The following FEM1C variants were observed in gnomAD, a reference collection of about 807,000 sequenced individuals.
FEM1C encodes fem-1 homolog C, also known as protein fem-1 homolog C.
FEM1C carries 15 observed loss-of-function variants against 37.6 expected under a neutral mutation model. That is an observed-to-expected ratio of 0.40 (90% CI 0.27 to 0.61). The LOEUF is 0.61. FEM1C is among the 20% of genes least tolerant of loss of function. The probability of loss-of-function intolerance (pLI) is 0.42; values close to 1 mark genes in which losing one functional copy is unlikely to be tolerated. For synonymous variants in FEM1C, 287 were observed against 272.8 expected (o/e 1.05, Z -0.51); for missense variants, 532 against 749.7 (o/e 0.71, Z 3.39).
intron 2 of FEM1C, among the ~76,000 whole-genome samples, chr5:115,534,029 T>C (rs1754070001): frequency 6.6e-6 from 1 of 151,954 alleles, no homozygotes; most frequent in Non-Finnish European, 1.5e-5. Flanking sequence ...CAACATTAAG[T>C]ATTAATTCTG....
rs191895893 is a variant in FEM1C at position 115,529,214 on chromosome 5, G to C, written c.545-3597C>G. 2.6e-4 allele frequency among the ~76,000 whole-genome samples: 39 copies of C among 150,742 alleles called. No individual in the cohort carries two copies. The East Asian group carries it at 7.6e-3, about 30-fold the overall frequency. ...CAGTAGGTTTTACAAACTCCAAGAAGGACAAATAAAAAGAAAAACACATTG... is the reference window on the plus strand; with the variant it reads ...CAGTAGGTTTTACAAACTCCAAGAACGACAAATAAAAAGAAAAACACATTG... On this transcript the variant is annotated intron_variant, in intron 2 of 2. Transcript: ENST00000274457.
chr5:115,530,156 C>A (rs1477408154), intron 2 of FEM1C, among the ~76,000 whole-genome samples: 4 of 151,836 alleles, frequency 2.6e-5, no homozygotes, highest in Non-Finnish European at 5.9e-5. Flanking sequence ...ACAAGACACA[C>A]CTTAAATATA....
Position 115,521,257 on chromosome 5 carries a change from T to A in FEM1C, c.*3051A>T, listed in dbSNP as rs1753767953. 6.6e-6 allele frequency: 1 copy of A among 151,712 alleles called. No homozygotes were observed. Among genetic ancestry groups the A allele is most frequent in the African/African-American group, 2.4e-5 (1 of 41,412 alleles). 9.4% of individuals were successfully genotyped at this position (151,712 alleles called of 1,614,324 possible). On this transcript the variant is annotated 3_prime_UTR_variant, in exon 3 of 3. Transcript: ENST00000274457. ...TTCTAAGAAAATTAATTACAAAAAT[T>A]ATCATACCTGTAAATTCAGCCTAAG...
chr5:115,532,066 T>G (rs1331238205), intron 2 of FEM1C, among the ~76,000 whole-genome samples: 4 of 152,146 alleles, frequency 2.6e-5, no homozygotes, highest in Non-Finnish European at 1.5e-5. Flanking sequence ...CAAATCTCAC[T>G]AGAAATTTCA....
intron 2 of FEM1C, among the ~76,000 whole-genome samples, chr5:115,536,266 A>G (rs1022477092): frequency 7.9e-5 from 12 of 152,030 alleles, no homozygotes; most frequent in African/African-American, 2.9e-4. Context: ...TAAAAATATT[A>G]TATTTTTGGT....
At chr5:115,527,436 T>C (rs1030661269) in intron 2 of FEM1C, among the ~76,000 whole-genome samples, 5 of 152,148 alleles carry the variant, frequency 3.3e-5, no homozygotes, top group Non-Finnish European at 5.9e-5. Context: ...TACAATGAAA[T>C]AGTGTTTGAT....
rs577626335 is a variant in FEM1C, at chr5:115,543,864, A to G, written c.-190-181T>C. The G allele has an allele frequency of 1.0e-4, 99 of 983,536 alleles. No individual in the cohort carries two copies. The African/African-American group carries it at 1.7e-3, about 16-fold the overall frequency. The allele number at this position is 983,536 out of a possible 1,614,324, so 60.9% of individuals were successfully genotyped here. ...TAAAGAAAAATACAGAAGGATACAC[A>G]GAGACCCAAATGTTCTGGTCGCAGG... On this transcript the variant is annotated intron_variant, in intron 1 of 2. Transcript: ENST00000274457.
chr5:115,538,250 C>T (rs1754168365), intron 2 of FEM1C, among the ~76,000 whole-genome samples: 1 of 151,900 alleles, frequency 6.6e-6, no homozygotes, highest in African/African-American at 2.4e-5. Flanking sequence ...CTCTCAAACC[C>T]TTTTAATGCT....
At chr5:115,544,062 G>C in intron 1 of FEM1C, 9 of 985,440 alleles carry the variant, frequency 9.1e-6, no homozygotes, top group Non-Finnish European at 1.1e-5. Flanking sequence ...TGCAACTGCA[G>C]GAGAGCTGGC....
chr5:115,533,864 T>C (rs1754066021), intron 2 of FEM1C, among the ~76,000 whole-genome samples: 1 of 149,762 alleles, frequency 6.7e-6, no homozygotes, highest in Non-Finnish European at 1.5e-5. Flanking sequence ...AAGAAAAACA[T>C]ATTATATTAA....
At position 115,524,326 on chromosome 5, in the gene FEM1C, A is replaced by C. The variant is rs1448448549; in HGVS notation, c.1836T>G (p.Phe612Leu). 2 of 1,613,218 alleles carry C rather than the reference A, an allele frequency of 1.2e-6. No individual in the cohort carries two copies. The highest frequency in any genetic ancestry group is 1.7e-6 in the Non-Finnish European group (2 of 1,179,494). Residue 612 changes from phenylalanine (F) to leucine (L), a missense_variant, in exon 3 of 3, where the codon TTT becomes TTG. Coordinates refer to ENST00000274457, the MANE Select transcript of FEM1C (RefSeq NM_020177.3). ...CAAGTTATCATCTATGAAGGGAAAC[A>C]AAAGTCTCTAGCTTTTCTGGGATAT... ...KGHIPEKLETFVSLHR is the reference protein window; with the variant it reads ...KGHIPEKLETLVSLHR
chr5:115,534,213 G>A (rs1278548578), intron 2 of FEM1C, among the ~76,000 whole-genome samples: 1 of 151,976 alleles, frequency 6.6e-6, no homozygotes, highest in Admixed American at 6.6e-5. Flanking sequence ...AAGTGCTCGT[G>A]CATTAAAGGG....
intron 2 of FEM1C, among the ~76,000 whole-genome samples, chr5:115,534,563 C>T (rs537985210): frequency 6.6e-6 from 1 of 151,978 alleles, no homozygotes; most frequent in Non-Finnish European, 1.5e-5. Context: ...GATAAAATTA[C>T]CAAGATTCAC....
rs1753777275 is a variant in FEM1C at position 115,521,630 on chromosome 5, G to GT, written c.*2677dup. On this transcript the variant is annotated 3_prime_UTR_variant, in exon 3 of 3. Coordinates refer to ENST00000274457, the MANE Select transcript of FEM1C (RefSeq NM_020177.3). Reference sequence around the variant, plus strand: ...CCCAAAAGGGCATTTTCATAGAAATGTTAATAACTTACACATTAACTCCAG... The same window carrying GT: ...CCCAAAAGGGCATTTTCATAGAAATGTTTAATAACTTACACATTAACTCCAG... 1 of 151,864 alleles carries GT rather than the reference G, an allele frequency of 6.6e-6. No individual in the cohort carries two copies. The highest frequency in any genetic ancestry group is 1.5e-5 in the Non-Finnish European group (1 of 67,840). The allele number at this position is 151,864 out of a possible 1,614,324, so 9.4% of individuals were successfully genotyped here.
Position 115,525,411 on chromosome 5 carries a change from G to C in FEM1C, c.751C>G (p.Leu251Val), listed in dbSNP as rs1421446832. 6.2e-7 allele frequency: 1 copy of C among 1,613,598 alleles called. No homozygotes were observed. The part of the protein sequence containing the change: ...KTERINALEL[L>V]GATFVDKKRD... The stretch of plus-strand genomic sequence containing the variant: ...TTTTTGTCTACAAATGTAGCTCCCA[G>C]AAGCTCTAGAGCATTAATACGTTCT... Residue 251 changes from leucine (L) to valine (V), a missense_variant, in exon 3 of 3, where the codon CTG becomes GTG. Physicochemically the swap from Leu to Val is conservative, Grantham distance 32 (BLOSUM62 1). Coordinates refer to ENST00000274457, the MANE Select transcript of FEM1C (RefSeq NM_020177.3).
At chr5:115,536,362 C>T (rs1754128402) in intron 2 of FEM1C, among the ~76,000 whole-genome samples, 1 of 151,788 alleles carries the variant, frequency 6.6e-6, no homozygotes, top group African/African-American at 2.4e-5. Flanking sequence ...AAAAACAGTC[C>T]TCATCTCTCT....
chr5:115,540,961 C>T (rs1012592659), intron 2 of FEM1C, among the ~76,000 whole-genome samples: 1 of 151,966 alleles, frequency 6.6e-6, no homozygotes, highest in African/African-American at 2.4e-5. Flanking sequence ...TGTCTTAAAA[C>T]AAGCATTCTT....
chr5:115,531,916 C>T (rs904244777), intron 2 of FEM1C, among the ~76,000 whole-genome samples: 9 of 152,088 alleles, frequency 5.9e-5, no homozygotes, highest in South Asian at 4.1e-4. Context: ...AGAAATTCTG[C>T]TTATGCTTCA....
In FEM1C at chr5:115,543,592, A is replaced by G. The variant is rs1038685203; in HGVS notation, c.-99T>C. ...CAAGAGTCACAGGAACCAAAGTCCA[A>G]TGTTAATTGCTGCACCCCAGAACGG... On this transcript the variant is annotated 5_prime_UTR_variant, in exon 2 of 3. Coordinates refer to ENST00000274457, the MANE Select transcript of FEM1C (RefSeq NM_020177.3). The G allele has an allele frequency of 1.3e-6, 2 of 1,493,560 alleles. No individual in the cohort carries two copies. The highest frequency in any genetic ancestry group is 1.8e-6 in the Non-Finnish European group (2 of 1,131,990). 92.5% of individuals were successfully genotyped at this position (1,493,560 alleles called of 1,614,324 possible).
Sources: gnomAD v4.1 joint callset for allele counts (sites outside exome capture counted in the v4.1 genomes callset) on GRCh38, gnomAD v4.1.1 for gene constraint, MANE v1.5 for transcripts, NCBI Gene and HGNC (gene_info 2026-07-23, HGNC 2026-07-21) for gene names.